Variants in TICRR observed in about 807,000 individuals in gnomAD.
TICRR encodes TOPBP1 interacting checkpoint and replication regulator, also known as treslin.
In TICRR, 132 loss-of-function variants were observed where a neutral mutation model predicts 178.1. That is an observed-to-expected ratio of 0.74 (90% CI 0.64 to 0.86). TICRR has a LOEUF of 0.86. Among genes scored for constraint, TICRR ranks in the 40% least tolerant of loss-of-function variants. The pLI, the probability that TICRR is intolerant of heterozygous loss-of-function variation, is 0.00. For synonymous variants in TICRR, 991 were observed against 900.7 expected (o/e 1.10, Z -1.79); for missense variants, 2,587 against 2,334.3 (o/e 1.11, Z -2.23).
chr15:89,619,977 C>G, intron 18 of TICRR, 135 bp downstream of exon 18: 5 of 1,066,314 alleles, frequency 4.7e-6, no homozygotes, highest in Non-Finnish European at 5.3e-6. Context: ...AGTTGAGGTT[C>G]AGGGTGATGG....
intron 15 of TICRR, among the ~76,000 whole-genome samples, chr15:89,612,656 T>C (rs1963272537): frequency 6.6e-6 from 1 of 152,222 alleles, no homozygotes; most frequent in African/African-American, 2.4e-5. Flanking sequence ...GGTTCCAAAA[T>C]AGTGAATTCT....
intron 13 of TICRR, 126 bp downstream of exon 13, chr15:89,603,018 A>C (rs1435166396): frequency 1.5e-4 from 64 of 434,570 alleles, no homozygotes; most frequent in Non-Finnish European, 8.1e-6. Context: ...AATGTGTATA[A>C]AACTATAATC....
At chr15:89,620,979 C>T (rs977653326) in intron 18 of TICRR, among the ~76,000 whole-genome samples, 2 of 151,130 alleles carry the variant, frequency 1.3e-5, no homozygotes, top group Non-Finnish European at 1.5e-5. Flanking sequence ...CCTCAGCCTC[C>T]CAAAGTGCTG....
intron 15 of TICRR, among the ~76,000 whole-genome samples, chr15:89,610,647 T>C (rs1963242866): frequency 6.6e-6 from 1 of 152,226 alleles, no homozygotes; most frequent in African/African-American, 2.4e-5. Flanking sequence ...TTTAATCCAT[T>C]CTTCTTATCT....
rs778525742 is a variant in TICRR, at chr15:89,584,268, A to C, written c.935-18A>C. On this transcript the variant is annotated intron_variant, in intron 2 of 21. Transcript: ENST00000268138. ...AATTTTAATTTGGCATCCTGGTCTA[A>C]TTAATCTTTATTTCTAGCAGGCAAA... 1 of 1,584,984 alleles carries C rather than the reference A, an allele frequency of 6.3e-7. No homozygotes were observed.
chr15:89,609,548 C>T (rs1459198362), intron 15 of TICRR, among the ~76,000 whole-genome samples: 2 of 152,082 alleles, frequency 1.3e-5, no homozygotes, highest in African/African-American at 4.8e-5. Context: ...GATCTTGGCT[C>T]ACTGCAACCT....
In TICRR at chr15:89,616,513, C is replaced by G; in HGVS notation, c.2960+18C>G. The G allele has an allele frequency of 6.2e-7, 1 of 1,610,140 alleles. No individual in the cohort carries two copies. The highest frequency in any genetic ancestry group is 8.5e-7 in the Non-Finnish European group (1 of 1,177,024). On this transcript the variant is annotated intron_variant, in intron 16 of 21. Transcript: ENST00000268138. Reference sequence around the variant, plus strand: ...AAGGGCAGGTGAGTGACATCCCCATCCGGGCTTCTTCATACACCCACACCA... The same window carrying G: ...AAGGGCAGGTGAGTGACATCCCCATGCGGGCTTCTTCATACACCCACACCA...
In TICRR at chr15:89,584,511, C is replaced by G; in HGVS notation, c.1160C>G (p.Ala387Gly). The G allele has an allele frequency of 6.3e-7, 1 of 1,584,652 alleles. No individual in the cohort carries two copies. Among genetic ancestry groups the G allele is most frequent in the Non-Finnish European group, 8.6e-7 (1 of 1,163,614 alleles). Residue 387 changes from alanine to glycine, a missense_variant, in exon 3 of 22, where the codon GCT becomes GGT. By Grantham distance (60) the Ala-to-Gly change is moderately conservative. Transcript: ENST00000268138. Reference protein sequence around the residue: ...LFQQLVSRLTAEELHLVADVD... With the variant: ...LFQQLVSRLTGEELHLVADVD... ...CAGCAGTTGGTAAGCAGGCTGACTG[C>G]TGAAGAGTTACACCTGGTAGGTATC...
chr15:89,576,228 C>T lies in TICRR; in HGVS notation c.642C>T (p.Thr214=). The part of the protein sequence containing the change: ...RKITFYWVDT[T]EWSKLWESPD... ...TCACCTTCTACTGGGTGGATACCAC[C>T]GAATGGTCTAAGGTAAGGAAGGTTA... Residue 214 remains threonine, a synonymous_variant, in exon 1 of 22, where the codon ACC becomes ACT. Coordinates refer to ENST00000268138, the MANE Select transcript of TICRR (RefSeq NM_152259.4). 2 of 1,580,232 alleles carry T rather than the reference C, an allele frequency of 1.3e-6. No homozygotes were observed. Among genetic ancestry groups the T allele is most frequent in the Admixed American group, 1.7e-5 (1 of 58,246 alleles).
In TICRR at chr15:89,601,070, AAG is replaced by A. The variant is rs1963086650; in HGVS notation, c.2154-226_2154-225del. Among the ~76,000 whole-genome samples the A allele has an allele frequency of 2.0e-5, 3 of 151,648 alleles. No individual in the cohort carries two copies. The South Asian group carries it at 6.2e-4, about 32-fold the overall frequency. On this transcript the variant is annotated intron_variant, in intron 9 of 21. Transcript: ENST00000268138. ...CAGGAAAAAAAAAAAAAAAAAAAAAAAGATTACCAACTGCATGAAGATGCTTT... is the reference window on the plus strand; with the variant it reads ...CAGGAAAAAAAAAAAAAAAAAAAAAAATTACCAACTGCATGAAGATGCTTT...
intron 1 of TICRR, among the ~76,000 whole-genome samples, chr15:89,577,850 G>T (rs973121385): frequency 6.6e-6 from 1 of 151,584 alleles, no homozygotes; most frequent in Non-Finnish European, 1.5e-5. Flanking sequence ...AGCTCAGGCA[G>T]TCCGCCAACC....
Position 89,585,737 on chromosome 15 carries a change from GC to G in TICRR, c.1212del (p.Ile405SerfsTer13). 11 of 1,614,024 alleles carry G rather than the reference GC, an allele frequency of 6.8e-6. No homozygotes were observed. Among genetic ancestry groups the G allele is most frequent in the Non-Finnish European group, 9.3e-6 (11 of 1,179,972 alleles). On this transcript the variant is annotated frameshift_variant, in exon 4 of 22. Transcript: ENST00000268138. LOFTEE classifies it high-confidence loss of function. Reference protein sequence around the residue: ...VADVDPGEGRPPITGVISPLS... With the variant: ...VADVDPGEGRXPITGVISPLS... ...CTGATGTGGACCCTGGTGAAGGCCG[GC>G]CCCCCATCACTGGAGTTATTTCCCC...
Position 89,582,688 on chromosome 15 carries a change from G to A in TICRR, c.657G>A (p.Leu219=). ...YWVDTTEWSK[L]WESPDHLGYW... is the part of the protein sequence containing the mutation. ...GGTTGTTTGTCGTTTTATTTTAGTT[G>A]TGGGAATCCCCAGACCACCTTGGAT... The change falls in exon 2 of 22, where the codon TTG becomes TTA. Residue 219 remains leucine, a splice_region_variant and synonymous_variant. Coordinates refer to ENST00000268138, the MANE Select transcript of TICRR (RefSeq NM_152259.4). 2 of 1,611,124 alleles carry A rather than the reference G, an allele frequency of 1.2e-6. No homozygotes were observed. Among genetic ancestry groups the A allele is most frequent in the Non-Finnish European group, 8.5e-7 (1 of 1,177,798 alleles).
intron 15 of TICRR, among the ~76,000 whole-genome samples, chr15:89,614,504 A>G (rs1443306332): frequency 6.6e-6 from 1 of 151,684 alleles, no homozygotes; most frequent in Non-Finnish European, 1.5e-5. Flanking sequence ...TAATTTTTGT[A>G]TTTTTTTGTA....
intron 17 of TICRR, among the ~76,000 whole-genome samples, chr15:89,618,883 C>T (rs1284646258): frequency 6.6e-6 from 1 of 152,234 alleles, no homozygotes; most frequent in Non-Finnish European, 1.5e-5. Context: ...CTCTTGAGCT[C>T]TGGAGTTCAA....
Position 89,601,621 on chromosome 15 carries a change from G to A in TICRR, c.2327+53G>A, listed in dbSNP as rs761962080. 782 of 1,607,744 alleles carry A rather than the reference G, an allele frequency of 4.9e-4. 1 individual carries two copies. Among genetic ancestry groups the A allele is most frequent in the Non-Finnish European group, 3.2e-4 (370 of 1,174,506 alleles). On this transcript the variant is annotated intron_variant, in intron 11 of 21. Coordinates refer to ENST00000268138, the MANE Select transcript of TICRR (RefSeq NM_152259.4). ...TTAAAATTGTTTTGTCAAAACCTAT[G>A]TATGGTGTTGTCTCTGAATTTTGGA...
intron 1 of TICRR, among the ~76,000 whole-genome samples, chr15:89,576,821 G>GTATATA (rs369518649): frequency 5.5e-4 from 51 of 92,408 alleles, no homozygotes; most frequent in African/African-American, 1.7e-3. Context: ...ATGTGTGTGT[G>GTATATA]TATATATATA....
rs997950985 is a variant in TICRR, at chr15:89,626,937, C to A, written c.5603-19C>A. Reference sequence around the variant, plus strand: ...TCCTCTGTGACTCCTGCATGCTAAGCCTTTCTACCTTCTTCTAGATGAGGA... The same window carrying A: ...TCCTCTGTGACTCCTGCATGCTAAGACTTTCTACCTTCTTCTAGATGAGGA... On this transcript the variant is annotated intron_variant, in intron 21 of 21. Coordinates refer to ENST00000268138, the MANE Select transcript of TICRR (RefSeq NM_152259.4). The A allele has an allele frequency of 9.9e-6, 16 of 1,612,138 alleles. No homozygotes were observed. In the African/African-American group the frequency reaches 1.5e-4, roughly 15 times the overall value.
intron 9 of TICRR, among the ~76,000 whole-genome samples, chr15:89,601,046 A>AG (rs1181276816): frequency 2.9e-5 from 2 of 69,488 alleles, no homozygotes; most frequent in East Asian, 3.6e-4. Flanking sequence ...ACCCTGTCTC[A>AG]GGAAAAAAAA....
Sources: gnomAD v4.1 joint callset for allele counts (sites outside exome capture counted in the v4.1 genomes callset) on GRCh38, gnomAD v4.1.1 for gene constraint, MANE v1.5 for transcripts, NCBI Gene and HGNC (gene_info 2026-07-23, HGNC 2026-07-21) for gene names.